The following EMSY variants were observed in gnomAD, a reference collection of about 807,000 sequenced individuals.
EMSY encodes BRCA2-interacting transcriptional repressor EMSY.
EMSY carries 26 observed loss-of-function variants against 134.6 expected under a neutral mutation model. The ratio of observed to expected loss-of-function variants is 0.19; its 90% CI spans 0.14 to 0.27. The LOEUF (loss-of-function observed/expected upper bound fraction) is 0.27. Ranked by LOEUF, EMSY falls within the 10% of genes least tolerant of loss-of-function variation. EMSY has a pLI of 1.00. For missense variants in EMSY, 1,305 were observed against 1,611.4 expected (o/e 0.81, Z 3.26); for synonymous variants, 579 against 577.8 (o/e 1.00, Z -0.03).
At position 76,539,595 on chromosome 11, in the gene EMSY, T is replaced by A; in HGVS notation, c.2516-4T>A. On this transcript the variant is annotated splice_region_variant and splice_polypyrimidine_tract_variant and intron_variant, in intron 16 of 20. Transcript: ENST00000334736. ...ATGATTTCTTCCCTTACTTATCCTT[T>A]CAGAACGCACTGATGAGGGGACAGA... is the stretch of plus-strand genomic sequence containing the variant. 1 of 1,613,846 alleles carries A rather than the reference T, an allele frequency of 6.2e-7. No individual in the cohort carries two copies.
At chr11:76,517,027 C>T (rs1214430125) in intron 11 of EMSY, among the ~76,000 whole-genome samples, 2 of 151,874 alleles carry the variant, frequency 1.3e-5, no homozygotes. Context: ...CTGTTTTCAT[C>T]GATTATTATT....
intron 9 of EMSY, among the ~76,000 whole-genome samples, chr11:76,502,909 A>T (rs1257101219): frequency 6.6e-6 from 1 of 152,190 alleles, no homozygotes; most frequent in Non-Finnish European, 1.5e-5. Flanking sequence ...ATCTCAGCAG[A>T]CTTCTTCGTA....
chr11:76,474,775 A>G (rs925753994), intron 8 of EMSY, among the ~76,000 whole-genome samples: 1 of 152,110 alleles, frequency 6.6e-6, no homozygotes, highest in Non-Finnish European at 1.5e-5. Context: ...AGAAATATAT[A>G]TTTTTTGAGA....
chr11:76,532,359 T>C (rs2136453629), intron 14 of EMSY, among the ~76,000 whole-genome samples: 1 of 151,900 alleles, frequency 6.6e-6, no homozygotes, highest in Non-Finnish European at 1.5e-5. Flanking sequence ...ATGTTTTTTT[T>C]TTTTTTTTCT....
chr11:76,540,663 C>G (rs964006645), intron 17 of EMSY, among the ~76,000 whole-genome samples: 3 of 152,164 alleles, frequency 2.0e-5, no homozygotes, highest in Non-Finnish European at 4.4e-5. Flanking sequence ...CCTTATAATA[C>G]ATAAATGGCA....
chr11:76,545,189 G>A (rs1453859778), intron 19 of EMSY, among the ~76,000 whole-genome samples: 1 of 152,114 alleles, frequency 6.6e-6, no homozygotes, highest in East Asian at 1.9e-4. Context: ...ATAATGCTAA[G>A]TAAACTACAG....
At chr11:76,522,796 CATATA>C (rs1436698413) in intron 11 of EMSY, among the ~76,000 whole-genome samples, 4 of 152,102 alleles carry the variant, frequency 2.6e-5, no homozygotes, top group Non-Finnish European at 5.9e-5. Flanking sequence ...ACTTCAGTCA[CATATA>C]ATACTGGGTT....
At chr11:76,469,226 C>T (rs1948478409) in intron 7 of EMSY, among the ~76,000 whole-genome samples, 1 of 152,066 alleles carries the variant, frequency 6.6e-6, no homozygotes, top group East Asian at 1.9e-4. Context: ...TGAATGCTTC[C>T]CTTGCCCTTG....
chr11:76,482,976 G>C (rs1180154888), intron 8 of EMSY, among the ~76,000 whole-genome samples: 1 of 152,128 alleles, frequency 6.6e-6, no homozygotes, highest in African/African-American at 2.4e-5. Flanking sequence ...TGGAATGAAG[G>C]AAAAAATGTT....
rs1264683142 is a variant in EMSY, at chr11:76,460,317, C to T, written c.571+232C>T. 7.1e-6 allele frequency: 3 copies of T among 423,504 alleles called. No individual in the cohort carries two copies. In the Admixed American group the frequency reaches 1.1e-4, roughly 16 times the overall value. The allele number at this position is 423,504 out of a possible 1,614,324, so 26.2% of individuals were successfully genotyped here. On this transcript the variant is annotated intron_variant, in intron 6 of 20. Coordinates refer to ENST00000334736, the Ensembl canonical transcript of EMSY. ...ATTTTCATTGTCTGTGGGTAATCTG[C>T]CTTTGAACTGTGTTATCCTTAAGAA...
chr11:76,463,714 G>T, intron 6 of EMSY, 107 bp from the exon 8 acceptor site: 1 of 1,261,720 alleles, frequency 7.9e-7, no homozygotes, highest in African/African-American at 1.5e-5. Flanking sequence ...ATTGGCTAAT[G>T]GCTTAAGACA....
At chr11:76,500,221 TTACTTAATATAA>T (rs1259226803) in intron 9 of EMSY, among the ~76,000 whole-genome samples, 1 of 152,192 alleles carries the variant, frequency 6.6e-6, no homozygotes, top group African/African-American at 2.4e-5. Context: ...ATATCTAATG[TTACTTAATATAA>T]TACTTAATGT....
At chr11:76,490,893 C>G (rs990118688) in intron 8 of EMSY, among the ~76,000 whole-genome samples, 6 of 151,542 alleles carry the variant, frequency 4.0e-5, no homozygotes, top group African/African-American at 1.5e-4. Context: ...AACACATGTA[C>G]ATCTGTATTT....
intron 20 of EMSY, among the ~76,000 whole-genome samples, chr11:76,548,699 T>A (rs1444632298): frequency 6.6e-6 from 1 of 152,150 alleles, no homozygotes. Context: ...ATCAGGTATG[T>A]GGAAAAAAGA....
intron 20 of EMSY, chr11:76,546,909 T>C (rs929795597): frequency 3.6e-6 from 1 of 281,134 alleles, no homozygotes; most frequent in African/African-American, 2.3e-5. Flanking sequence ...AAATCTTGTT[T>C]GGTTTCTGTC....
chr11:76,550,434 A>G (rs963293367), exon 21 of EMSY: 3 of 236,082 alleles, frequency 1.3e-5, no homozygotes, highest in African/African-American at 6.7e-5. Flanking sequence ...CCGGTGAAAC[A>G]GTTTTGTCTT....
intron 2 of EMSY, among the ~76,000 whole-genome samples, chr11:76,448,743 A>C (rs995803609): frequency 1.3e-5 from 2 of 152,110 alleles, no homozygotes; most frequent in Admixed American, 6.5e-5. Context: ...TATCATAACA[A>C]TGAAACCTTT....
intron 9 of EMSY, among the ~76,000 whole-genome samples, chr11:76,502,195 A>G (rs202237389): frequency 1.4e-5 from 2 of 147,848 alleles, no homozygotes; most frequent in South Asian, 2.2e-4. Flanking sequence ...AAGAAGTTCT[A>G]TGAATAGAAA....
exon 7 of EMSY, chr11:76,463,916 G>T (rs1447867038): frequency 6.2e-7 from 1 of 1,613,990 alleles, no homozygotes; most frequent in African/African-American, 1.3e-5. Flanking sequence ...AGTTCCAAAG[G>T]CCGTTGTTCC....
Sources: gnomAD v4.1 joint callset for allele counts (sites outside exome capture counted in the v4.1 genomes callset) on GRCh38, gnomAD v4.1.1 for gene constraint, MANE v1.5 for transcripts, NCBI Gene and HGNC (gene_info 2026-07-23, HGNC 2026-07-21) for gene names.